Variants in FOXP2 observed in about 807,000 individuals in gnomAD.
FOXP2 encodes forkhead box protein P2.
FOXP2 carries 12 observed loss-of-function variants against 115.8 expected under a neutral mutation model. That is an observed-to-expected ratio of 0.10 (90% CI 0.07 to 0.17). The LOEUF is 0.17. Among genes scored for constraint, FOXP2 ranks in the 10% least tolerant of loss-of-function variants. The probability of loss-of-function intolerance (pLI) is 1.00; values close to 1 mark genes in which losing one functional copy is unlikely to be tolerated. For missense variants in FOXP2, 629 were observed against 843.5 expected (o/e 0.75, Z 3.15); for synonymous variants, 328 against 297.7 (o/e 1.10, Z -1.05).
At chr7:114,534,967 T>A (rs559169897) in intron 3 of FOXP2, among the ~76,000 whole-genome samples, 1 of 151,804 alleles carries the variant, frequency 6.6e-6, no homozygotes, top group Non-Finnish European at 1.5e-5. Context: ...GCATAAAGAA[T>A]TTTGCATAAA....
intron 1 of FOXP2, among the ~76,000 whole-genome samples, chr7:114,287,458 G>T (rs528842261): frequency 6.6e-6 from 1 of 151,906 alleles, no homozygotes; most frequent in South Asian, 2.1e-4. Flanking sequence ...GATTAAAGAA[G>T]GAAGAAACTA....
At chr7:114,618,765 A>T (rs1804082796) in intron 3 of FOXP2, among the ~76,000 whole-genome samples, 1 of 152,094 alleles carries the variant, frequency 6.6e-6, no homozygotes, top group African/African-American at 2.4e-5. Flanking sequence ...ATGTTTTTAG[A>T]TATTAAGTTT....
intron 7 of FOXP2, among the ~76,000 whole-genome samples, 181 bp downstream of exon 7, chr7:114,642,804 ATATATATATT>A (rs1272816120): frequency 1.7e-3 from 22 of 13,272 alleles, no homozygotes; most frequent in African/African-American, 2.5e-3. Context: ...ATATATATAT[ATATATATATT>A]TTTTTTTTTT....
At position 114,360,423 on chromosome 7, in the gene FOXP2, T is replaced by G. The variant is rs767051473; in HGVS notation, c.-10-66079T>G. ...TTTTAGATAAAAAACAACTAAGAAG[T>G]GTTTTGCCTTGATTTCTCCTGATAA... On this transcript the variant is annotated intron_variant, in intron 2 of 17. Transcript: ENST00000634411. Among the ~76,000 whole-genome samples the G allele has an allele frequency of 4.5e-4, 68 of 152,218 alleles. 1 individual carries two copies. The highest frequency in any genetic ancestry group is 7.4e-4 in the Non-Finnish European group (50 of 68,000).
At chr7:114,371,973 G>T (rs1288783525) in intron 2 of FOXP2, among the ~76,000 whole-genome samples, 3 of 152,062 alleles carry the variant, frequency 2.0e-5, no homozygotes, top group South Asian at 2.1e-4. Context: ...ATGAATATAT[G>T]TTTTTAAAAG....
chr7:114,677,067 G>A (rs1807811654), intron 16 of FOXP2, among the ~76,000 whole-genome samples: 1 of 151,884 alleles, frequency 6.6e-6, no homozygotes, highest in African/African-American at 2.4e-5. Flanking sequence ...TCAGGAGGCT[G>A]AGGCAGGAGA....
At chr7:114,340,453 C>T (rs1161342445) in intron 2 of FOXP2, among the ~76,000 whole-genome samples, 2 of 151,032 alleles carry the variant, frequency 1.3e-5, no homozygotes, top group Non-Finnish European at 3.0e-5. Context: ...GATTACTTTC[C>T]ATATCATTCA....
At chr7:114,102,734 C>A (rs904026075) in intron 1 of FOXP2, among the ~76,000 whole-genome samples, 6 of 106,704 alleles carry the variant, frequency 5.6e-5, no homozygotes, top group Middle Eastern at 5.6e-3. Flanking sequence ...ACACACACAC[C>A]CCAATGGTTA....
intron 1 of FOXP2, among the ~76,000 whole-genome samples, chr7:114,127,056 C>T (rs1047641926): frequency 6.6e-6 from 1 of 152,150 alleles, no homozygotes; most frequent in East Asian, 1.9e-4. Context: ...TCTGAATGCT[C>T]AACTGGGAAA....
intron 2 of FOXP2, among the ~76,000 whole-genome samples, chr7:114,390,023 C>CAAAAAAAAAAAAAAAAAAAAAAAA (rs11311566): frequency 1.1e-5 from 1 of 93,192 alleles, no homozygotes; most frequent in African/African-American, 4.2e-5. Flanking sequence ...CATTCAGTGT[C>CAAAAAAAAAAAAAAAAAAAAAAAA]AAAAAAAAAA....
chr7:114,609,676 T>C (rs1299810177), intron 3 of FOXP2, among the ~76,000 whole-genome samples: 1 of 152,206 alleles, frequency 6.6e-6, no homozygotes, highest in African/African-American at 2.4e-5. Context: ...ATTTCTTTAA[T>C]GTGAACCTTT....
chr7:114,552,133 A>G (rs780007201), intron 3 of FOXP2, among the ~76,000 whole-genome samples: 24 of 152,176 alleles, frequency 1.6e-4, no homozygotes, highest in Non-Finnish European at 3.1e-4. Context: ...CTAGAAATGT[A>G]TGTAGTTTCA....
At chr7:114,155,466 A>G (rs897352270) in intron 1 of FOXP2, among the ~76,000 whole-genome samples, 3 of 152,122 alleles carry the variant, frequency 2.0e-5, no homozygotes, top group Admixed American at 1.3e-4. Context: ...CCCAAAATAT[A>G]TTTCTTTGAC....
chr7:114,204,610 C>A (rs545900174), intron 1 of FOXP2, among the ~76,000 whole-genome samples: 7 of 152,008 alleles, frequency 4.6e-5, no homozygotes, highest in East Asian at 1.9e-4. Context: ...CAAAACAAAA[C>A]AAAAAAATAG....
At chr7:114,380,969 C>T (rs1277640753) in intron 2 of FOXP2, among the ~76,000 whole-genome samples, 5 of 152,202 alleles carry the variant, frequency 3.3e-5, no homozygotes, top group Non-Finnish European at 2.9e-5. Context: ...GCCCCATTGG[C>T]AAGCTTAACA....
intron 2 of FOXP2, among the ~76,000 whole-genome samples, chr7:114,533,229 T>C (rs987626009): frequency 3.3e-5 from 5 of 151,998 alleles, no homozygotes; most frequent in Non-Finnish European, 7.4e-5. Context: ...GAGATGGTGC[T>C]AGTGCATTCA....
intron 1 of FOXP2, among the ~76,000 whole-genome samples, chr7:114,127,780 A>G (rs1413597965): frequency 2.0e-5 from 3 of 152,178 alleles, no homozygotes; most frequent in Non-Finnish European, 2.9e-5. Flanking sequence ...TAACTTTACT[A>G]TGATTTAAAA....
At chr7:114,619,368 G>C (rs950664032) in intron 3 of FOXP2, among the ~76,000 whole-genome samples, 5 of 152,018 alleles carry the variant, frequency 3.3e-5, no homozygotes, top group African/African-American at 1.2e-4. Flanking sequence ...CATCTATAAA[G>C]AGCAATTATT....
At chr7:114,227,307 A>G (rs1247997800) in intron 1 of FOXP2, among the ~76,000 whole-genome samples, 1 of 152,014 alleles carries the variant, frequency 6.6e-6, no homozygotes, top group Non-Finnish European at 1.5e-5. Flanking sequence ...CTGAGATTTT[A>G]TATATCAAAT....
Sources: allele counts gnomAD v4.1 joint callset (sites outside exome capture counted in the v4.1 genomes callset), GRCh38; gene constraint gnomAD v4.1.1; transcripts MANE v1.5; gene names NCBI Gene and HGNC (gene_info 2026-07-23, HGNC 2026-07-21).